NDUFA10: variants seen among roughly 807,000 people sequenced by gnomAD.
NDUFA10 encodes the protein NADH dehydrogenase [ubiquinone] 1 alpha subcomplex subunit 10, mitochondrial.
NDUFA10 carries 40 observed loss-of-function variants against 47.8 expected under a neutral mutation model. That is an observed-to-expected ratio of 0.84 (90% CI 0.65 to 1.09). The LOEUF is 1.09. Ranked by LOEUF, NDUFA10 falls within the 50% of genes least tolerant of loss-of-function variation. The pLI, the probability that NDUFA10 is intolerant of heterozygous loss-of-function variation, is 0.00. For missense variants in NDUFA10, 413 were observed against 451.1 expected, an observed-to-expected ratio of 0.92 and a Z score of 0.76; for synonymous variants, 183 against 172.2, an observed-to-expected ratio of 1.06 and a Z score of -0.49.
rs1419004179 is a variant in NDUFA10 at position 239,928,492 on chromosome 2, G to A, written c.295-33178C>T. Reference sequence around the variant, plus strand: ...ATGGCAGGAAATCCCCCGAATCCACGCCAGACTCCTCGGCCCTGGCCCACC... The same window carrying A: ...ATGGCAGGAAATCCCCCGAATCCACACCAGACTCCTCGGCCCTGGCCCACC... On this transcript the variant is annotated intron_variant, in intron 4 of 5. Transcript: ENST00000419408. This position sits in a 1 kb window ranked among gnomAD's most constrained non-coding sequence, Gnocchi z 4.3. 6.6e-6 allele frequency among the ~76,000 whole-genome samples: 1 copy of A among 152,176 alleles called. No individual in the cohort carries two copies. Among genetic ancestry groups the A allele is most frequent in the Admixed American group, 6.5e-5 (1 of 15,284 alleles).
rs181855397 is a variant in NDUFA10 at position 240,011,976 on chromosome 2, G to A, written c.670-280C>T. 8.2e-5 allele frequency: 35 copies of A among 426,962 alleles called. No individual in the cohort carries two copies. The East Asian group carries it at 1.3e-3, about 16-fold the overall frequency. The allele number at this position is 426,962 out of a possible 1,614,324, so 26.4% of individuals were successfully genotyped here. On this transcript the variant is annotated intron_variant, in intron 5 of 9. Transcript: ENST00000252711. ...TTAGGGCAAGAAAGATGCCTGTTAC[G>A]AAGCAGCACTGCCTGTCTTTCCTGT...
chr2:239,996,165 A>G (rs1356790345), intron 8 of NDUFA10, among the ~76,000 whole-genome samples: 2 of 152,198 alleles, frequency 1.3e-5, no homozygotes, highest in Non-Finnish European at 2.9e-5. Context: ...ATCAGTAAGG[A>G]TACCGATGAC....
chr2:239,988,609 CAGCCTGG>C (rs1370820648), intron 9 of NDUFA10, among the ~76,000 whole-genome samples: 1 of 152,216 alleles, frequency 6.6e-6, no homozygotes, highest in Non-Finnish European at 1.5e-5. Flanking sequence ...GGAATGATGG[CAGCCTGG>C]AGGTCAACAG....
chr2:240,014,864 G>A lies in NDUFA10; in HGVS notation c.548-4C>T. On this transcript the variant is annotated splice_polypyrimidine_tract_variant and splice_region_variant and intron_variant, in intron 4 of 9. Coordinates refer to ENST00000252711, the MANE Select transcript of NDUFA10 (RefSeq NM_004544.4). ...ACCTCGTTGTAGTGGTCCACACCTG[G>A]CACATAGGAGAAAGGGGCGCTGTCA... 1 of 1,614,168 alleles carries A rather than the reference G, an allele frequency of 6.2e-7. No individual in the cohort carries two copies. The highest frequency in any genetic ancestry group is 8.5e-7 in the Non-Finnish European group (1 of 1,180,018).
intron 9 of NDUFA10, among the ~76,000 whole-genome samples, chr2:239,963,870 C>T (rs985381015): frequency 5.9e-5 from 9 of 152,174 alleles, no homozygotes; most frequent in African/African-American, 1.4e-4. Context: ...CACAGGCCAC[C>T]GGAGGAGCTG....
At position 239,959,566 on chromosome 2, in the gene NDUFA10, T is replaced by A. The variant is rs912864786; in HGVS notation, c.*1552A>T. On this transcript the variant is annotated 3_prime_UTR_variant, in exon 10 of 10. Transcript: ENST00000252711. ...AAATGCAAAACTTCAGCCACTTAAA[T>A]CTCGACTCCAATTCAAAACTCCTGG... The A allele has an allele frequency of 3.0e-6, 3 of 985,178 alleles. No homozygotes were observed. Among genetic ancestry groups the A allele is most frequent in the Admixed American group, 6.2e-5 (1 of 16,236 alleles). 61.0% of individuals were successfully genotyped at this position (985,178 alleles called of 1,614,324 possible).
intron 4 of NDUFA10, among the ~76,000 whole-genome samples, chr2:239,913,295 T>G (rs1693785906): frequency 6.6e-6 from 1 of 152,212 alleles, no homozygotes; most frequent in Non-Finnish European, 1.5e-5. Context: ...ATGCTTAGCT[T>G]GCTCCCTTCC....
At chr2:239,921,719 G>A (rs967597325) in intron 4 of NDUFA10, among the ~76,000 whole-genome samples, 6 of 152,102 alleles carry the variant, frequency 3.9e-5, no homozygotes, top group African/African-American at 9.7e-5. Context: ...GAGGAGACCC[G>A]GGATGAGGCC....
intron 3 of NDUFA10, among the ~76,000 whole-genome samples, chr2:240,020,052 C>T (rs1239969942): frequency 2.0e-5 from 3 of 152,204 alleles, no homozygotes; most frequent in Non-Finnish European, 4.4e-5. Context: ...CAAAGCAAGA[C>T]AATAACTCCA....
chr2:239,987,049 G>A lies in NDUFA10; in HGVS notation c.999+3025C>T, dbSNP rs1696029981. On this transcript the variant is annotated intron_variant, in intron 9 of 9. Coordinates refer to ENST00000252711, the MANE Select transcript of NDUFA10 (RefSeq NM_004544.4). This position sits in a 1 kb window ranked among gnomAD's most constrained non-coding sequence, Gnocchi z 4.8. ...GGAACTGATCCAGATTCAAAGAGAT[G>A]TAGCAGAGGAAACAATTCAATGCAG... Among the ~76,000 whole-genome samples, 1 of 152,186 alleles carries A rather than the reference G, an allele frequency of 6.6e-6. No individual in the cohort carries two copies. Among genetic ancestry groups the A allele is most frequent in the Non-Finnish European group, 1.5e-5 (1 of 68,030 alleles).
chr2:240,014,400 T>C, intron 5 of NDUFA10: 1 of 371,968 alleles, frequency 2.7e-6, no homozygotes, highest in Non-Finnish European at 5.2e-6. Flanking sequence ...CACAAAAACC[T>C]CATCAGAGAA....
Position 240,021,342 on chromosome 2 carries a change from G to A in NDUFA10, c.315C>T (p.Ala105=), listed in dbSNP as rs1371066288. Residue 105 remains alanine (A), a synonymous_variant, in exon 3 of 10, where the codon GCC becomes GCT. Coordinates refer to ENST00000252711, the MANE Select transcript of NDUFA10 (RefSeq NM_004544.4). ...DSTTGDGKPL[A]TDYNGNCSLE... ...AACTACAGTTGCCATTATAGTCGGT[G>A]GCGAGGGGCTTCCCATCTCCTGTGG... 6.2e-7 allele frequency: 1 copy of A among 1,614,190 alleles called. No individual in the cohort carries two copies. Among genetic ancestry groups the A allele is most frequent in the Non-Finnish European group, 8.5e-7 (1 of 1,180,040 alleles).
chr2:239,918,528 A>T (rs10194429), intron 4 of NDUFA10, among the ~76,000 whole-genome samples: 34,217 of 152,128 alleles, frequency 0.22, 5,351 homozygotes, highest in African/African-American at 0.45. Context: ...GGAAAACCTG[A>T]CTTGGCAAAA....
chr2:239,952,700 C>T (rs1694576835), downstream of NDUFA10, among the ~76,000 whole-genome samples: 1 of 152,340 alleles, frequency 6.6e-6, no homozygotes, highest in Admixed American at 6.5e-5. Flanking sequence ...CAGCCTATGT[C>T]CACCTCTCCC....
At chr2:239,998,973 CA>C (rs1696594770) in intron 8 of NDUFA10, among the ~76,000 whole-genome samples, 1 of 152,184 alleles carries the variant, frequency 6.6e-6, no homozygotes, top group Admixed American at 6.5e-5. Flanking sequence ...CTCCAACCCA[CA>C]GCACACAGGC....
At chr2:239,990,915 A>AG (rs1292486786) in intron 8 of NDUFA10, among the ~76,000 whole-genome samples, 7 of 152,214 alleles carry the variant, frequency 4.6e-5, no homozygotes, top group Non-Finnish European at 1.0e-4. Context: ...GGAAAAAAAA[A>AG]CATTAAAATA....
At chr2:239,982,033 G>A in intron 9 of NDUFA10, 4 of 1,580,656 alleles carry the variant, frequency 2.5e-6, no homozygotes, top group Admixed American at 3.5e-5. Context: ...ACTACCTTCT[G>A]CTCTAATAGT....
chr2:240,013,100 T>C (rs1480409999), intron 5 of NDUFA10: 1 of 152,280 alleles, frequency 6.6e-6, no homozygotes, highest in Non-Finnish European at 1.5e-5. Context: ...CTCAGAAATC[T>C]GACCTGAAGT....
intron 7 of NDUFA10, 30 bp downstream of exon 7, chr2:240,007,286 T>A: frequency 6.6e-7 from 1 of 1,517,834 alleles, no homozygotes; most frequent in Non-Finnish European, 9.1e-7. Flanking sequence ...AATGTAGGAA[T>A]AACTTTCAAC....
Sources: allele counts gnomAD v4.1 joint callset (sites outside exome capture counted in the v4.1 genomes callset), GRCh38; gene constraint gnomAD v4.1.1; non-coding constraint Gnocchi (gnomAD v3.1); transcripts MANE v1.5; gene names NCBI Gene and HGNC (gene_info 2026-07-23, HGNC 2026-07-21).